The following PDE1C variants were observed in gnomAD, a reference collection of about 807,000 sequenced individuals.
PDE1C encodes the protein dual specificity calcium/calmodulin-dependent 3',5'-cyclic nucleotide phosphodiesterase 1C.
PDE1C carries 62 observed loss-of-function variants against 93.1 expected under a neutral mutation model. The ratio of observed to expected loss-of-function variants is 0.67; its 90% CI spans 0.54 to 0.82. The LOEUF is 0.82. PDE1C is among the 40% of genes least tolerant of loss of function. The pLI is 0.00. For missense variants in PDE1C, 742 were observed against 884.6 expected, an observed-to-expected ratio of 0.84 and a Z score of 2.04; for synonymous variants, 325 against 310.1, an observed-to-expected ratio of 1.05 and a Z score of -0.50.
At chr7:32,254,167 G>A (rs1049884994) in intron 1 of PDE1C, among the ~76,000 whole-genome samples, 5 of 152,206 alleles carry the variant, frequency 3.3e-5, no homozygotes, top group Admixed American at 2.0e-4. Context: ...TATTGTTGGC[G>A]CATTGTTGCA....
chr7:31,651,625 A>G, the PDE1C span, among the ~76,000 whole-genome samples: 2 of 152,120 alleles, frequency 1.3e-5, no homozygotes, highest in Non-Finnish European at 2.9e-5. Context: ...CTGTAAAGGG[A>G]GAGGCATACG....
chr7:32,159,789 G>C (rs775173090), intron 3 of PDE1C, among the ~76,000 whole-genome samples: 17 of 150,980 alleles, frequency 1.1e-4, no homozygotes, highest in Admixed American at 1.1e-3. Context: ...CCCAAAAACC[G>C]GAAGCTCTAC....
In PDE1C at chr7:32,349,671, A is replaced by G. The variant is rs528313840; in HGVS notation, c.310+78151T>C. 8.5e-5 allele frequency among the ~76,000 whole-genome samples: 13 copies of G among 152,150 alleles called. No homozygotes were observed. The South Asian group carries it at 2.7e-3, about 32-fold the overall frequency. On this transcript the variant is annotated intron_variant, in intron 1 of 1. Coordinates refer to the PDE1C transcript ENST00000672256. ...GAGAAGGAGTCTCACTCTGTTGCCCAGGCTGGAGTGTGCAATGGCACAATC... is the reference window on the plus strand; with the variant it reads ...GAGAAGGAGTCTCACTCTGTTGCCCGGGCTGGAGTGTGCAATGGCACAATC...
At chr7:32,265,733 G>A (rs183455277) in intron 1 of PDE1C, among the ~76,000 whole-genome samples, 8 of 152,266 alleles carry the variant, frequency 5.3e-5, no homozygotes, top group Non-Finnish European at 7.3e-5. Context: ...AGACATATAC[G>A]TATCCAAATA....
At chr7:32,091,853 A>G (rs1217626098) in intron 3 of PDE1C, among the ~76,000 whole-genome samples, 4 of 152,172 alleles carry the variant, frequency 2.6e-5, no homozygotes, top group Non-Finnish European at 5.9e-5. Context: ...ATAGACCATG[A>G]TAGGGGCAAG....
intron 2 of PDE1C, among the ~76,000 whole-genome samples, chr7:32,034,244 A>C (rs30569): frequency 1.3e-5 from 2 of 151,912 alleles, no homozygotes; most frequent in Non-Finnish European, 2.9e-5. Flanking sequence ...AAGCAAAATG[A>C]GGAAGAAATT....
intron 1 of PDE1C, among the ~76,000 whole-genome samples, chr7:32,245,813 A>G (rs1391464665): frequency 6.6e-6 from 1 of 152,092 alleles, no homozygotes; most frequent in East Asian, 1.9e-4. Flanking sequence ...CACATGGTGG[A>G]AGGGACTAGC....
intron 1 of PDE1C, among the ~76,000 whole-genome samples, chr7:32,317,477 C>A (rs910527544): frequency 2.0e-5 from 3 of 152,066 alleles, no homozygotes; most frequent in Non-Finnish European, 4.4e-5. Context: ...CAGATACCCT[C>A]TTCTGATGGC....
the PDE1C span, among the ~76,000 whole-genome samples, chr7:31,736,029 G>A: frequency 6.6e-6 from 1 of 152,146 alleles, no homozygotes; most frequent in Non-Finnish European, 1.5e-5. Flanking sequence ...GCATTGCTGT[G>A]TGCAAATTTT....
chr7:31,804,438 G>C (rs1255161217), intron 16 of PDE1C, among the ~76,000 whole-genome samples: 1 of 151,704 alleles, frequency 6.6e-6, no homozygotes, highest in Non-Finnish European at 1.5e-5. Flanking sequence ...TCATTGCATG[G>C]GTTGCTCAGT....
chr7:31,746,038 C>CCTCTGTGAGAAGCT, the PDE1C span, among the ~76,000 whole-genome samples: 2,418 of 151,984 alleles, frequency 0.016, 66 homozygotes, highest in African/African-American at 0.055. Flanking sequence ...TGAGAGAAGC[C>CCTCTGTGAGAAGCT]CTCTGGGTAA....
Position 31,753,052 on chromosome 7 carries a change from G to T in PDE1C, c.*332C>A, listed in dbSNP as rs1794213645. 2 of 165,050 alleles carry T rather than the reference G, an allele frequency of 1.2e-5. No individual in the cohort carries two copies. The highest frequency in any genetic ancestry group is 4.0e-4 in the South Asian group (2 of 4,940). 10.2% of individuals were successfully genotyped at this position (165,050 alleles called of 1,614,324 possible). On this transcript the variant is annotated 3_prime_UTR_variant, in exon 18 of 18. Coordinates refer to ENST00000396191, the MANE Select transcript of PDE1C (RefSeq NM_001191057.4). ...TAACTTTTAGAGATTGAAAAAAGTG[G>T]CAATGAGAGGAATTTTATTTTTTTT...
At chr7:32,215,660 G>A (rs896494018) in intron 1 of PDE1C, among the ~76,000 whole-genome samples, 3 of 152,178 alleles carry the variant, frequency 2.0e-5, no homozygotes, top group African/African-American at 7.2e-5. Context: ...AAACAATACA[G>A]GCCATCAGAA....
chr7:31,940,809 A>G (rs920412253), intron 2 of PDE1C, among the ~76,000 whole-genome samples: 1 of 152,132 alleles, frequency 6.6e-6, no homozygotes, highest in African/African-American at 2.4e-5. Flanking sequence ...AGGTGGATCC[A>G]GTTTCACTCT....
the PDE1C span, among the ~76,000 whole-genome samples, chr7:31,623,010 T>G: frequency 2.0e-5 from 3 of 152,042 alleles, no homozygotes; most frequent in Non-Finnish European, 2.9e-5. Context: ...CTAGAAGAAA[T>G]GGATAAATTC....
At chr7:31,896,834 T>C (rs943532887) in intron 2 of PDE1C, among the ~76,000 whole-genome samples, 1 of 152,174 alleles carries the variant, frequency 6.6e-6, no homozygotes, top group Non-Finnish European at 1.5e-5. Flanking sequence ...TACCTTGTCA[T>C]GGTGTTAATT....
At chr7:32,270,351 C>A (rs1032356076) in intron 1 of PDE1C, among the ~76,000 whole-genome samples, 17 of 151,002 alleles carry the variant, frequency 1.1e-4, no homozygotes, top group Admixed American at 7.9e-4. Flanking sequence ...AAGGAAAAAT[C>A]TGCAAGAGGT....
chr7:31,902,979 ATGTTT>A (rs1000644081), intron 2 of PDE1C, among the ~76,000 whole-genome samples: 1 of 151,754 alleles, frequency 6.6e-6, no homozygotes, highest in African/African-American at 2.4e-5. Flanking sequence ...TGAAATCAGA[ATGTTT>A]TGTTTTCTGT....
At chr7:32,077,787 T>C (rs1366931393) in intron 3 of PDE1C, 1 of 829,186 alleles carries the variant, frequency 1.2e-6, no homozygotes. Flanking sequence ...GCCAGGCTGG[T>C]CTTTAACTCC....
Sources: allele counts gnomAD v4.1 joint callset (sites outside exome capture counted in the v4.1 genomes callset), GRCh38; gene constraint gnomAD v4.1.1; transcripts MANE v1.5; gene names NCBI Gene and HGNC (gene_info 2026-07-23, HGNC 2026-07-21).